Variants in OCA2 observed in about 807,000 individuals in gnomAD.
OCA2 encodes OCA2 melanosomal transmembrane protein, also known as P protein.
In OCA2, 77 loss-of-function variants were observed where a neutral mutation model predicts 100.2. The ratio of observed to expected loss-of-function variants is 0.77; its 90% CI spans 0.64 to 0.93. OCA2 has a LOEUF of 0.93. Ranked by LOEUF, OCA2 falls within the 40% of genes least tolerant of loss-of-function variation. The pLI is 0.00. For synonymous variants in OCA2, 432 were observed against 439.2 expected (o/e 0.98, Z 0.21); for missense variants, 1,062 against 1,089.1 (o/e 0.98, Z 0.35).
chr15:27,757,362 A>G (rs2030465936), intron 23 of OCA2, among the ~76,000 whole-genome samples: 1 of 152,246 alleles, frequency 6.6e-6, no homozygotes, highest in African/African-American at 2.4e-5. Flanking sequence ...GGCCTCATAG[A>G]CTAGACGTTG....
chr15:28,026,486 G>A (rs898769088), intron 4 of OCA2, among the ~76,000 whole-genome samples: 6 of 152,148 alleles, frequency 3.9e-5, no homozygotes, highest in African/African-American at 1.4e-4. Flanking sequence ...CACCCACGAG[G>A]GGGGCTGAGA....
intron 22 of OCA2, among the ~76,000 whole-genome samples, chr15:27,848,706 C>T (rs1567020185): frequency 6.6e-6 from 1 of 152,242 alleles, no homozygotes; most frequent in South Asian, 2.1e-4. Flanking sequence ...CTGCAGTATA[C>T]ATTCCACTCA....
intron 19 of OCA2, among the ~76,000 whole-genome samples, chr15:27,890,793 C>T (rs1175435252): frequency 3.9e-5 from 6 of 151,986 alleles, no homozygotes; most frequent in Admixed American, 6.6e-5. Context: ...TTTGGGAGGC[C>T]GAGGCAGGTG....
chr15:27,920,043 G>C (rs564169627), intron 19 of OCA2, among the ~76,000 whole-genome samples: 24 of 152,150 alleles, frequency 1.6e-4, no homozygotes, highest in South Asian at 1.0e-3. Flanking sequence ...AGAGAGGCCA[G>C]GGAAAGAGAC....
chr15:27,971,485 G>A (rs372646569), intron 14 of OCA2, among the ~76,000 whole-genome samples: 40 of 152,218 alleles, frequency 2.6e-4, no homozygotes, highest in African/African-American at 8.2e-4. Flanking sequence ...GGGTTGGTGC[G>A]CGTGGATGCT....
chr15:28,056,030 C>T (rs891742865), intron 2 of OCA2, among the ~76,000 whole-genome samples: 1 of 152,056 alleles, frequency 6.6e-6, no homozygotes, highest in Non-Finnish European at 1.5e-5. Flanking sequence ...AGTGTCTGTT[C>T]CTAGGACACT....
chr15:27,739,255 TACC>T, the OCA2 span, among the ~76,000 whole-genome samples: 1 of 152,112 alleles, frequency 6.6e-6, no homozygotes, highest in Non-Finnish European at 1.5e-5. Context: ...GAAAGAGGAC[TACC>T]TCATGATTTG....
intron 23 of OCA2, among the ~76,000 whole-genome samples, chr15:27,771,843 A>G (rs2031893040): frequency 6.6e-6 from 1 of 151,924 alleles, no homozygotes; most frequent in Non-Finnish European, 1.5e-5. Context: ...AATAATGTTT[A>G]CCCCCCAAAA....
intron 9 of OCA2, among the ~76,000 whole-genome samples, chr15:28,004,583 CACTA>C (rs752166683): frequency 1.3e-5 from 2 of 152,104 alleles, no homozygotes; most frequent in Non-Finnish European, 2.9e-5. Context: ...CACACTCACA[CACTA>C]ACTGGTATAC....
At chr15:27,791,504 G>A (rs1484040615) in intron 23 of OCA2, among the ~76,000 whole-genome samples, 1 of 152,120 alleles carries the variant, frequency 6.6e-6, no homozygotes, top group African/African-American at 2.4e-5. Flanking sequence ...TCGGGGGAAG[G>A]GTTGTCTACA....
At chr15:27,967,478 T>C (rs2040610832) in intron 14 of OCA2, among the ~76,000 whole-genome samples, 1 of 152,144 alleles carries the variant, frequency 6.6e-6, no homozygotes, top group African/African-American at 2.4e-5. Flanking sequence ...TTCCCCAAGA[T>C]AGGGTGAAAA....
chr15:28,049,755 G>A (rs1433457473), intron 2 of OCA2, among the ~76,000 whole-genome samples: 1 of 152,106 alleles, frequency 6.6e-6, no homozygotes, highest in Non-Finnish European at 1.5e-5. Context: ...ATCTACAAAA[G>A]GTAAATACAG....
In OCA2 at chr15:27,822,259, A is replaced by G. The variant is rs369741708; in HGVS notation, c.2432+22700T>C. 7.2e-5 allele frequency among the ~76,000 whole-genome samples: 11 copies of G among 152,270 alleles called. No individual in the cohort carries two copies. In the East Asian group the frequency reaches 1.9e-3, roughly 27 times the overall value. ...TCTAACAGCACAGATCAGTTTTCCT[A>G]TATTTGTACTTTATGTAATTAAAAT... On this transcript the variant is annotated intron_variant, in intron 23 of 23. Transcript: ENST00000354638.
intron 20 of OCA2, among the ~76,000 whole-genome samples, chr15:27,871,633 C>A (rs1186445277): frequency 6.6e-6 from 1 of 152,244 alleles, no homozygotes; most frequent in East Asian, 1.9e-4. Flanking sequence ...CCTTCTCAGA[C>A]AGGCTTTAAA....
chr15:27,810,226 T>C (rs1454344487), intron 23 of OCA2, among the ~76,000 whole-genome samples: 2 of 152,178 alleles, frequency 1.3e-5, no homozygotes, highest in African/African-American at 4.8e-5. Flanking sequence ...CAATTGATCT[T>C]TGACAAAGCA....
At chr15:27,906,147 T>G (rs1467358974) in intron 19 of OCA2, among the ~76,000 whole-genome samples, 1 of 152,214 alleles carries the variant, frequency 6.6e-6, no homozygotes, top group Non-Finnish European at 1.5e-5. Context: ...AATAACTTAT[T>G]GTATATTTTA....
chr15:27,731,737 A>G, the OCA2 span, among the ~76,000 whole-genome samples: 1 of 152,216 alleles, frequency 6.6e-6, no homozygotes, highest in African/African-American at 2.4e-5. Context: ...GGGTTTAGGC[A>G]TCAGGTGCCG....
At chr15:27,844,191 C>T (rs1378077587) in intron 23 of OCA2, among the ~76,000 whole-genome samples, 1 of 152,170 alleles carries the variant, frequency 6.6e-6, no homozygotes, top group Non-Finnish European at 1.5e-5. Context: ...CTGCAGGCAT[C>T]CGCTGGACGC....
intron 18 of OCA2, among the ~76,000 whole-genome samples, chr15:27,937,776 C>T (rs1479876845): frequency 6.6e-6 from 1 of 152,138 alleles, no homozygotes; most frequent in Non-Finnish European, 1.5e-5. Flanking sequence ...TTTCTTATTG[C>T]TCTATAGATG....
Sources: gnomAD v4.1 joint callset for allele counts (sites outside exome capture counted in the v4.1 genomes callset) on GRCh38, gnomAD v4.1.1 for gene constraint, MANE v1.5 for transcripts, NCBI Gene and HGNC (gene_info 2026-07-23, HGNC 2026-07-21) for gene names.